The following SUPT3H variants were observed in gnomAD, a reference collection of about 807,000 sequenced individuals.
SUPT3H encodes transcription initiation protein SPT3 homolog.
A neutral mutation model predicts 44.3 loss-of-function variants in SUPT3H; 44 were observed. The observed-to-expected ratio is 0.99, with a 90% CI of 0.78 to 1.28. The LOEUF is 1.28. SUPT3H is among the 50% of genes most tolerant of loss of function. The pLI, the probability that SUPT3H is intolerant of heterozygous loss-of-function variation, is 0.00. For synonymous variants in SUPT3H, 124 were observed against 125.6 expected, an observed-to-expected ratio of 0.99 and a Z score of 0.09; for missense variants, 380 against 387.1, an observed-to-expected ratio of 0.98 and a Z score of 0.15.
At chr6:44,993,725 C>G (rs1780910462) in intron 6 of SUPT3H, among the ~76,000 whole-genome samples, 1 of 152,086 alleles carries the variant, frequency 6.6e-6, no homozygotes, top group Non-Finnish European at 1.5e-5. Flanking sequence ...CCACAGGTAT[C>G]TTGTTGGTAT....
intron 2 of SUPT3H, among the ~76,000 whole-genome samples, chr6:45,117,430 A>G (rs1801006238): frequency 6.6e-6 from 1 of 152,106 alleles, no homozygotes; most frequent in Non-Finnish European, 1.5e-5. Flanking sequence ...ATCAATTGTG[A>G]GCTCATGCAA....
chr6:45,197,783 GA>G (rs1816323358), intron 2 of SUPT3H: 2 of 171,902 alleles, frequency 1.2e-5, no homozygotes, highest in African/African-American at 4.8e-5. Flanking sequence ...CTTTTAATAA[GA>G]ATTTGACTTT....
chr6:44,934,099 T>C (rs1272434740), intron 9 of SUPT3H, among the ~76,000 whole-genome samples: 1 of 152,212 alleles, frequency 6.6e-6, no homozygotes, highest in Non-Finnish European at 1.5e-5. Context: ...ACAGAATTAA[T>C]ATTATTTGTT....
chr6:45,157,261 T>C (rs1385913852), intron 2 of SUPT3H, among the ~76,000 whole-genome samples: 2 of 152,084 alleles, frequency 1.3e-5, no homozygotes, highest in Non-Finnish European at 2.9e-5. Flanking sequence ...AATTTTTATA[T>C]TTTGAAACAT....
chr6:45,207,400 AG>A (rs1272333736), intron 2 of SUPT3H, among the ~76,000 whole-genome samples: 1 of 152,238 alleles, frequency 6.6e-6, no homozygotes, highest in Non-Finnish European at 1.5e-5. Context: ...AATTTTAGAA[AG>A]AATGGGAGGA....
In SUPT3H at chr6:44,908,623, G is replaced by C. The variant is rs143140724; in HGVS notation, c.912+24030C>G. 6.5e-3 allele frequency among the ~76,000 whole-genome samples: 989 copies of C among 152,142 alleles called. 13 individuals carry two copies. Among genetic ancestry groups the C allele is most frequent in the African/African-American group, 0.023 (934 of 41,510 alleles). On this transcript the variant is annotated intron_variant, in intron 10 of 10. Transcript: ENST00000371459. ...ACTGCCAACTACGCAATCTAGCTTCGTAAATTAGACCCATTCCATGTGTAA... is the reference window on the plus strand; with the variant it reads ...ACTGCCAACTACGCAATCTAGCTTCCTAAATTAGACCCATTCCATGTGTAA...
intron 10 of SUPT3H, among the ~76,000 whole-genome samples, chr6:44,914,220 A>G (rs1468358952): frequency 6.6e-6 from 1 of 152,242 alleles, no homozygotes; most frequent in Non-Finnish European, 1.5e-5. Context: ...CAAAATGATT[A>G]AAGAGTTTTA....
chr6:44,903,864 A>C (rs1181393051), intron 10 of SUPT3H, among the ~76,000 whole-genome samples: 1 of 152,208 alleles, frequency 6.6e-6, no homozygotes, highest in Non-Finnish European at 1.5e-5. Flanking sequence ...CTGGGATGCA[A>C]GGCTGGTTCA....
intron 10 of SUPT3H, among the ~76,000 whole-genome samples, chr6:44,895,529 C>T (rs1429005707): frequency 1.3e-5 from 2 of 152,132 alleles, no homozygotes; most frequent in African/African-American, 4.8e-5. Flanking sequence ...GAGAGACAGT[C>T]TCTGAGAAAT....
At chr6:45,003,842 C>T (rs1203302732) in intron 5 of SUPT3H, 50 bp from the exon 6 acceptor site, 4 of 1,589,274 alleles carry the variant, frequency 2.5e-6, no homozygotes, top group African/African-American at 1.4e-5. Flanking sequence ...AATAGGTTTA[C>T]ATCAGCACTA....
chr6:44,961,960 G>C, intron 6 of SUPT3H, 132 bp from the exon 7 acceptor site: 1 of 561,362 alleles, frequency 1.8e-6, no homozygotes, highest in Non-Finnish European at 3.1e-6. Flanking sequence ...CTACCACATA[G>C]ATCACGATAC....
intron 3 of SUPT3H, among the ~76,000 whole-genome samples, chr6:45,081,041 A>ATATG (rs377228242): frequency 1.3e-5 from 2 of 151,042 alleles, no homozygotes; most frequent in Non-Finnish European, 3.0e-5. Context: ...CCATATATAT[A>ATATG]TGTACATATA....
At chr6:45,360,348 G>C (rs1794041399) in intron 2 of SUPT3H, among the ~76,000 whole-genome samples, 1 of 152,154 alleles carries the variant, frequency 6.6e-6, no homozygotes, top group African/African-American at 2.4e-5. Flanking sequence ...TTCTATACAA[G>C]CATTCATTAT....
At chr6:44,837,338 A>C (rs2153414066) in intron 10 of SUPT3H, among the ~76,000 whole-genome samples, 1 of 152,350 alleles carries the variant, frequency 6.6e-6, no homozygotes, top group South Asian at 2.1e-4. Flanking sequence ...GCATGAAATA[A>C]ATTAAATGCT....
chr6:44,920,649 G>T (rs1302763298), intron 10 of SUPT3H, among the ~76,000 whole-genome samples: 3 of 151,572 alleles, frequency 2.0e-5, no homozygotes, highest in African/African-American at 7.3e-5. Context: ...ACTATTATTT[G>T]TGGGAAATCC....
intron 10 of SUPT3H, among the ~76,000 whole-genome samples, chr6:44,891,060 A>T (rs866934519): frequency 6.6e-6 from 1 of 152,260 alleles, no homozygotes. Context: ...GGAAACCACC[A>T]TGGCACATGT....
At chr6:44,856,310 C>T (rs1473576905) in intron 10 of SUPT3H, among the ~76,000 whole-genome samples, 1 of 152,196 alleles carries the variant, frequency 6.6e-6, no homozygotes. Context: ...TCTCTTCCCT[C>T]AGAGACGACA....
chr6:45,256,581 C>T (rs1165562560), intron 2 of SUPT3H, among the ~76,000 whole-genome samples: 15 of 152,100 alleles, frequency 9.9e-5, no homozygotes, highest in African/African-American at 4.8e-5. Flanking sequence ...CTCCACCCCC[C>T]ACCCTCCCTC....
At chr6:45,294,144 A>G (rs1041497780) in intron 2 of SUPT3H, among the ~76,000 whole-genome samples, 1 of 152,230 alleles carries the variant, frequency 6.6e-6, no homozygotes, top group African/African-American at 2.4e-5. Flanking sequence ...ACTATGTTCA[A>G]GTGGGTTTCA....
Sources: gnomAD v4.1 joint callset for allele counts (sites outside exome capture counted in the v4.1 genomes callset) on GRCh38, gnomAD v4.1.1 for gene constraint, MANE v1.5 for transcripts, NCBI Gene and HGNC (gene_info 2026-07-23, HGNC 2026-07-21) for gene names.